The following ATP6V0A4 variants were observed in gnomAD, a reference collection of about 807,000 sequenced individuals.
The protein encoded by ATP6V0A4 is V-type proton ATPase 116 kDa subunit a 4.
A neutral mutation model predicts 107.3 loss-of-function variants in ATP6V0A4; 86 were observed. The observed-to-expected ratio is 0.80, with a 90% CI of 0.67 to 0.96. The LOEUF is 0.96. ATP6V0A4 is among the 40% of genes least tolerant of loss of function. The pLI, the probability that ATP6V0A4 is intolerant of heterozygous loss-of-function variation, is 0.00. For synonymous variants in ATP6V0A4, 353 were observed against 381.4 expected (o/e 0.93, Z 0.87); for missense variants, 908 against 1,045.6 (o/e 0.87, Z 1.81).
chr7:138,776,904 T>C (rs1048790277), intron 2 of ATP6V0A4, among the ~76,000 whole-genome samples: 2 of 152,024 alleles, frequency 1.3e-5, no homozygotes, highest in African/African-American at 4.8e-5. Flanking sequence ...CCCAGCAGTT[T>C]GGGAGCCTGA....
At chr7:138,710,682 A>C (rs1264933634) in intron 20 of ATP6V0A4, among the ~76,000 whole-genome samples, 3 of 152,244 alleles carry the variant, frequency 2.0e-5, no homozygotes, top group Admixed American at 2.0e-4. Flanking sequence ...GCAATGTACA[A>C]GGGCACATGC....
intron 11 of ATP6V0A4, among the ~76,000 whole-genome samples, chr7:138,751,421 G>A (rs1806218641): frequency 6.6e-6 from 1 of 151,944 alleles, no homozygotes; most frequent in Non-Finnish European, 1.5e-5. Context: ...AATGTGTTCG[G>A]CCATCTTGTA....
At chr7:138,764,223 AG>A (rs1806975245) in intron 5 of ATP6V0A4, among the ~76,000 whole-genome samples, 1 of 151,962 alleles carries the variant, frequency 6.6e-6, no homozygotes. Flanking sequence ...CGAAGGGAAG[AG>A]GGGAAAGGAG....
intron 1 of ATP6V0A4, among the ~76,000 whole-genome samples, chr7:138,786,493 C>T (rs756175435): frequency 6.6e-6 from 1 of 151,180 alleles, no homozygotes; most frequent in Admixed American, 6.6e-5. Flanking sequence ...GTGGGAGGAT[C>T]GCTTGAGCCA....
Position 138,709,208 on chromosome 7 carries a change from C to CAAA in ATP6V0A4, c.2429+413_2429+415dup, listed in dbSNP as rs60144433. On this transcript the variant is annotated intron_variant, in intron 21 of 21. Coordinates refer to ENST00000310018, the MANE Select transcript of ATP6V0A4 (RefSeq NM_020632.3). ...TGGACAACAGAGTGAGAGCCTGTCT[C>CAAA]AAAAAAAAAAAAAAAAAAAAAAAGC... Among the ~76,000 whole-genome samples, 105 of 49,212 alleles carry CAAA rather than the reference C, an allele frequency of 2.1e-3. 1 individual carries two copies. Among genetic ancestry groups the CAAA allele is most frequent in the Middle Eastern group, 0.014 (1 of 70 alleles). 32.3% of individuals were successfully genotyped at this position (49,212 alleles called of 152,430 possible).
chr7:138,706,541 C>G lies in ATP6V0A4; in HGVS notation c.*83G>C. 6.6e-7 allele frequency: 1 copy of G among 1,509,284 alleles called. No individual in the cohort carries two copies. Among genetic ancestry groups the G allele is most frequent in the South Asian group, 1.1e-5 (1 of 87,430 alleles). The allele number at this position is 1,509,284 out of a possible 1,614,324, so 93.5% of individuals were successfully genotyped here. A position where few individuals can be genotyped will look rare whatever the true frequency, so the allele number is the denominator to read the frequency against. ...AGCCAAGAACAACCTTCCCATTGAGCGCCTTGCAGGGGCTGATATCAAAGA... is the reference window on the plus strand; with the variant it reads ...AGCCAAGAACAACCTTCCCATTGAGGGCCTTGCAGGGGCTGATATCAAAGA... On this transcript the variant is annotated 3_prime_UTR_variant, in exon 22 of 22. Coordinates refer to ENST00000310018, the MANE Select transcript of ATP6V0A4 (RefSeq NM_020632.3).
intron 13 of ATP6V0A4, among the ~76,000 whole-genome samples, chr7:138,746,254 G>A (rs1805948010): frequency 6.6e-6 from 1 of 151,380 alleles, no homozygotes; most frequent in African/African-American, 2.4e-5. Flanking sequence ...TCTTGTCATT[G>A]TAAAGTTGAT....
At chr7:138,734,490 C>T (rs1207031398) in intron 15 of ATP6V0A4, among the ~76,000 whole-genome samples, 1 of 152,036 alleles carries the variant, frequency 6.6e-6, no homozygotes, top group Non-Finnish European at 1.5e-5. Context: ...TATCAAATTG[C>T]TGGAAGGAAA....
At position 138,712,479 on chromosome 7, in the gene ATP6V0A4, A is replaced by C. The variant is rs1468578016; in HGVS notation, c.2258-2684T>G. ...GAGTTTAGCCTAACCTGACCAGTGCAGGAGGCTAACTACTAGGACCACTGA... is the reference window on the plus strand; with the variant it reads ...GAGTTTAGCCTAACCTGACCAGTGCCGGAGGCTAACTACTAGGACCACTGA... On this transcript the variant is annotated intron_variant, in intron 20 of 21. Coordinates refer to ENST00000310018, the MANE Select transcript of ATP6V0A4 (RefSeq NM_020632.3). 2.0e-5 allele frequency among the ~76,000 whole-genome samples: 3 copies of C among 152,274 alleles called. No individual in the cohort carries two copies. In the East Asian group the frequency reaches 5.8e-4, roughly 29 times the overall value.
intron 18 of ATP6V0A4, 53 bp downstream of exon 18, chr7:138,728,708 A>G (rs1054195836): frequency 3.1e-6 from 5 of 1,610,682 alleles, no homozygotes; most frequent in African/African-American, 1.3e-5. Context: ...TCATCTTTCC[A>G]GAAACCCACA....
At chr7:138,736,685 C>T (rs1805340571) in intron 15 of ATP6V0A4, among the ~76,000 whole-genome samples, 1 of 152,036 alleles carries the variant, frequency 6.6e-6, no homozygotes, top group Non-Finnish European at 1.5e-5. Flanking sequence ...GATTCTCCTG[C>T]CTCAGCCTCC....
chr7:138,731,335 A>G (rs1805005172), intron 17 of ATP6V0A4, among the ~76,000 whole-genome samples: 1 of 152,196 alleles, frequency 6.6e-6, no homozygotes, highest in Non-Finnish European at 1.5e-5. Context: ...ATTAACTACG[A>G]CATCTGATGG....
At chr7:138,709,570 G>T in intron 21 of ATP6V0A4, 54 bp downstream of exon 21, 1 of 1,569,744 alleles carries the variant, frequency 6.4e-7, no homozygotes, top group East Asian at 2.2e-5. Context: ...TGGCCCCACA[G>T]CCCACTCCCT....
chr7:138,793,370 A>C (rs899510336), intron 1 of ATP6V0A4, among the ~76,000 whole-genome samples: 3 of 152,212 alleles, frequency 2.0e-5, no homozygotes, highest in African/African-American at 7.2e-5. Context: ...AAGTTGTCAA[A>C]ATTCCGTATT....
intron 21 of ATP6V0A4, among the ~76,000 whole-genome samples, chr7:138,707,287 T>TAGAA (rs1803474568): frequency 2.2e-5 from 2 of 91,348 alleles, no homozygotes; most frequent in Admixed American, 3.9e-4. Flanking sequence ...TATATAATAA[T>TAGAA]TATATTATAA....
intron 12 of ATP6V0A4, among the ~76,000 whole-genome samples, 192 bp downstream of exon 12, chr7:138,748,975 G>A (rs1015096228): frequency 3.3e-5 from 5 of 152,254 alleles, no homozygotes; most frequent in Admixed American, 6.5e-5. Flanking sequence ...AGGGTATTAC[G>A]AAACCAAGGA....
intron 21 of ATP6V0A4, among the ~76,000 whole-genome samples, chr7:138,707,274 T>TA (rs1803472023): frequency 2.3e-5 from 2 of 88,330 alleles, no homozygotes; most frequent in Admixed American, 3.9e-4. Context: ...ATATTATATA[T>TA]TCTATATAAT....
At chr7:138,793,111 T>A (rs750235007) in intron 1 of ATP6V0A4, among the ~76,000 whole-genome samples, 7 of 151,964 alleles carry the variant, frequency 4.6e-5, no homozygotes, top group Non-Finnish European at 1.0e-4. Context: ...CTGGCCAACA[T>A]GGTGAAACCC....
rs78149955 is a variant in ATP6V0A4, at chr7:138,793,562, G to A, written c.-121+4472C>T. Among the ~76,000 whole-genome samples the A allele has an allele frequency of 4.8e-3, 732 of 152,116 alleles. 3 individuals are homozygous for A. The highest frequency in any genetic ancestry group is 7.3e-3 in the Non-Finnish European group (499 of 67,992). Reference sequence around the variant, plus strand: ...CACTCTTGATCTAATGGACTTACCCGGAGCACTGACCCCACAACTGCATGA... The same window carrying A: ...CACTCTTGATCTAATGGACTTACCCAGAGCACTGACCCCACAACTGCATGA... On this transcript the variant is annotated intron_variant, in intron 1 of 21. Transcript: ENST00000310018.
Sources: allele counts gnomAD v4.1 joint callset (sites outside exome capture counted in the v4.1 genomes callset), GRCh38; gene constraint gnomAD v4.1.1; transcripts MANE v1.5; gene names NCBI Gene and HGNC (gene_info 2026-07-23, HGNC 2026-07-21).